ITFG2: variants seen among roughly 807,000 people sequenced by gnomAD.
ITFG2 encodes the protein integrin alpha FG-GAP repeat containing 2, also known as KICSTOR complex protein ITFG2.
Under a neutral mutation model 54.4 loss-of-function variants are expected in ITFG2, and 36 were observed. The ratio of observed to expected loss-of-function variants is 0.66; its 90% CI spans 0.51 to 0.87. The LOEUF (loss-of-function observed/expected upper bound fraction) is 0.87, where lower values mean the gene tolerates loss of function less well. ITFG2 is among the 40% of genes least tolerant of loss of function. The probability of loss-of-function intolerance (pLI) is 0.00; values close to 1 mark genes in which losing one functional copy is unlikely to be tolerated. For missense variants in ITFG2, 524 were observed against 576.7 expected (o/e 0.91, Z 0.94); for synonymous variants, 211 against 225.4 (o/e 0.94, Z 0.57).
intron 3 of ITFG2, 22 bp from the exon 4 acceptor site, chr12:2,818,084 A>G: frequency 1.2e-6 from 2 of 1,613,204 alleles, no homozygotes; most frequent in South Asian, 1.1e-5. Flanking sequence ...GTCCATCTCT[A>G]CTATACCTCT....
Position 2,822,868 on chromosome 12 carries a change from C to A in ITFG2, c.1023C>A (p.Val341=). 5 of 1,614,168 alleles carry A rather than the reference C, an allele frequency of 3.1e-6. No individual in the cohort carries two copies. The South Asian group carries it at 4.4e-5, about 14-fold the overall frequency. ...ATATCATTGATCACAACCGCACCGT[C>A]GTCCGCTTCCAAGTGGATGAAAATA... ...QTYIIDHNRT[V]VRFQVDENIR... is the part of the protein sequence containing the mutation. Residue 341 remains valine, a synonymous_variant, in exon 10 of 12, where the codon GTC becomes GTA. Transcript: ENST00000228799.
At position 2,824,132 on chromosome 12, in the gene ITFG2, C is replaced by G; in HGVS notation, c.1283C>G (p.Thr428Arg). The change falls in exon 12 of 12, where the codon ACG becomes AGG. Residue 428 changes from threonine to arginine, a missense_variant. Coordinates refer to ENST00000228799, the MANE Select transcript of ITFG2 (RefSeq NM_018463.4). The part of the protein sequence containing the change: ...LPVTRALLHQ[T>R]LYHPDQPPQC... ...GTGACTCGTGCCCTGCTTCACCAAA[C>G]GCTCTACCATCCAGACCAGCCACCA... 3 of 1,614,142 alleles carry G rather than the reference C, an allele frequency of 1.9e-6. No individual in the cohort carries two copies. Among genetic ancestry groups the G allele is most frequent in the Non-Finnish European group, 2.5e-6 (3 of 1,180,040 alleles).
chr12:2,859,103 G>A (rs2098101558), intron 3 of ITFG2: 1 of 1,606,722 alleles, frequency 6.2e-7, no homozygotes, highest in African/African-American at 1.3e-5. Context: ...TCGGGGTGGA[G>A]GAGATGGGCA....
chr12:2,817,645 G>C, intron 2 of ITFG2: 1 of 526,482 alleles, frequency 1.9e-6, no homozygotes, highest in Admixed American at 3.5e-5. Context: ...AAATGTGATA[G>C]CCTAGCTCTA....
At chr12:2,820,024 TAGC>T in intron 4 of ITFG2, 59 bp from the exon 5 acceptor site, 3 of 1,546,482 alleles carry the variant, frequency 1.9e-6, no homozygotes, top group Non-Finnish European at 2.6e-6. Flanking sequence ...GTGCCACTGT[TAGC>T]AGAGGAGCGG....
Position 2,845,542 on chromosome 12 carries a change from C to T in ITFG2, n.300+4547C>T, listed in dbSNP as rs920748375. Among the ~76,000 whole-genome samples, 21 of 152,088 alleles carry T rather than the reference C, an allele frequency of 1.4e-4. No individual in the cohort carries two copies. Among genetic ancestry groups the T allele is most frequent in the African/African-American group, 5.1e-4 (21 of 41,426 alleles). On this transcript the variant is annotated intron_variant and non_coding_transcript_variant, in intron 2 of 3. Transcript: ENST00000537710. This position sits in a 1 kb window ranked among gnomAD's most constrained non-coding sequence, Gnocchi z 4.2. ...AGGTGGAGGGAGGGGAGTTTTTGGC[C>T]CGGAAATGGCTGGGAAGACTTCCTT...
chr12:2,827,656 C>T, downstream of ITFG2: 1 of 1,614,162 alleles, frequency 6.2e-7, no homozygotes, highest in African/African-American at 1.3e-5. The surrounding 1 kb of genome is among the most constrained non-coding windows in gnomAD (Gnocchi z 4.0). Flanking sequence ...CAGGCCCAGG[C>T]AGAATTCAGG....
At chr12:2,819,263 G>T (rs1298073843) in intron 4 of ITFG2, among the ~76,000 whole-genome samples, 5 of 152,024 alleles carry the variant, frequency 3.3e-5, no homozygotes, top group Admixed American at 3.3e-4. Flanking sequence ...AGGAGACCGA[G>T]ACCATCCTGG....
intron 2 of ITFG2, among the ~76,000 whole-genome samples, chr12:2,850,510 A>C (rs922059948): frequency 2.0e-5 from 3 of 149,816 alleles, no homozygotes; most frequent in African/African-American, 7.4e-5. Context: ...GCCCCAGGTC[A>C]TGATAATGGG....
downstream of ITFG2, among the ~76,000 whole-genome samples, chr12:2,831,510 G>C (rs2153926215): frequency 6.6e-6 from 1 of 151,974 alleles, no homozygotes; most frequent in Middle Eastern, 3.4e-3. Context: ...CCTGAACCTA[G>C]AAGGCAGAGG....
intron 10 of ITFG2, 130 bp downstream of exon 10, chr12:2,823,041 G>A: frequency 1.4e-6 from 1 of 704,680 alleles, no homozygotes; most frequent in Non-Finnish European, 2.5e-6. Flanking sequence ...TCATTCACCA[G>A]TGAGTTCTTC....
At chr12:2,855,560 CAT>C in intron 2 of ITFG2, 1 of 807,378 alleles carries the variant, frequency 1.2e-6, no homozygotes. Flanking sequence ...CCAGGATTCT[CAT>C]GAGGACGCAG....
At chr12:2,857,421 G>T (rs897705114) in intron 2 of ITFG2, 3 of 259,288 alleles carry the variant, frequency 1.2e-5, no homozygotes, top group Non-Finnish European at 2.3e-5. Context: ...AAAGGCCTAA[G>T]TTAACCAGCA....
In ITFG2 at chr12:2,821,535, C is replaced by T. The variant is rs774555724; in HGVS notation, c.794-8C>T. 4 of 1,614,104 alleles carry T rather than the reference C, an allele frequency of 2.5e-6. No individual in the cohort carries two copies. The highest frequency in any genetic ancestry group is 3.4e-6 in the Non-Finnish European group (4 of 1,179,988). ...GCCCTTTACATATTCTTCCTCTGGT[C>T]CTCACAGGCCACGGCACTGAGAGTA... On this transcript the variant is annotated splice_region_variant and splice_polypyrimidine_tract_variant and intron_variant, in intron 7 of 11. Coordinates refer to ENST00000228799, the MANE Select transcript of ITFG2 (RefSeq NM_018463.4).
exon 3 of ITFG2, chr12:2,858,099 G>A (rs946358697): frequency 1.1e-4 from 17 of 152,966 alleles, no homozygotes; most frequent in Admixed American, 3.3e-4. Context: ...TCCCTGCAGT[G>A]AAGAACCCAA....
At position 2,822,865 on chromosome 12, in the gene ITFG2, C is replaced by A. The variant is rs773573315; in HGVS notation, c.1020C>A (p.Thr340=). Residue 340 remains threonine, a synonymous_variant, in exon 10 of 12, where the codon ACC becomes ACA. Transcript: ENST00000228799. ...GQTYIIDHNR[T]VVRFQVDENI... ...CATATATCATTGATCACAACCGCAC[C>A]GTCGTCCGCTTCCAAGTGGATGAAA... 1.1e-5 allele frequency: 18 copies of A among 1,614,030 alleles called. No individual in the cohort carries two copies. The highest frequency in any genetic ancestry group is 1.4e-5 in the Non-Finnish European group (17 of 1,180,026).
chr12:2,838,443 T>C (rs572751708), intron 1 of ITFG2, among the ~76,000 whole-genome samples: 149 of 152,276 alleles, frequency 9.8e-4, no homozygotes, highest in African/African-American at 3.4e-3. Flanking sequence ...GGCTCTCAAG[T>C]GAGCTCAGGT....
At chr12:2,830,112 T>C (rs1327810534) in intron 2 of ITFG2, 2 of 151,846 alleles carry the variant, frequency 1.3e-5, no homozygotes, top group African/African-American at 4.8e-5. Context: ...AGGACGTGAG[T>C]AACATGCCTT....
chr12:2,823,984 C>T, intron 11 of ITFG2, 41 bp downstream of exon 11: 8 of 1,610,828 alleles, frequency 5.0e-6, no homozygotes, highest in Non-Finnish European at 6.8e-6. Flanking sequence ...GCCCAGGAGA[C>T]CCACAGCATG....
Sources: allele counts gnomAD v4.1 joint callset (sites outside exome capture counted in the v4.1 genomes callset), GRCh38; gene constraint gnomAD v4.1.1; non-coding constraint Gnocchi (gnomAD v3.1); transcripts MANE v1.5; gene names NCBI Gene and HGNC (gene_info 2026-07-23, HGNC 2026-07-21).